The following TCTN2 variants were observed in gnomAD, a reference collection of about 807,000 sequenced individuals.
TCTN2 encodes the protein tectonic-2.
TCTN2 carries 66 observed loss-of-function variants against 83.4 expected under a neutral mutation model. That is an observed-to-expected ratio of 0.79 (90% CI 0.65 to 0.97). TCTN2 has a LOEUF of 0.97. Ranked by LOEUF, TCTN2 falls within the 50% of genes least tolerant of loss-of-function variation. The pLI is 0.00. For missense variants in TCTN2, 794 were observed against 858.1 expected, an observed-to-expected ratio of 0.93 and a Z score of 0.93; for synonymous variants, 301 against 326.7, an observed-to-expected ratio of 0.92 and a Z score of 0.85.
Position 123,707,647 on chromosome 12 carries a change from G to C in TCTN2, c.2028G>C (p.Leu676=). The C allele has an allele frequency of 1.2e-6, 2 of 1,614,186 alleles. No individual in the cohort carries two copies. The highest frequency in any genetic ancestry group is 1.7e-6 in the Non-Finnish European group (2 of 1,180,038). Reference sequence around the variant, plus strand: ...GTGTTGCTAAGGGCTTACTGTTGCTGTTGTTCCTCACATTGGCCTTGTTCC... The same window carrying C: ...GTGTTGCTAAGGGCTTACTGTTGCTCTTGTTCCTCACATTGGCCTTGTTCC... ...SQCVAKGLLL[L]LFLTLALFLS... The change falls in exon 18 of 18, where the codon CTG becomes CTC. Residue 676 remains leucine (L), a synonymous_variant. Coordinates refer to ENST00000303372, the MANE Select transcript of TCTN2 (RefSeq NM_024809.5).
chr12:123,673,458 T>TG (rs1329549258), intron 3 of TCTN2, among the ~76,000 whole-genome samples, 157 bp from the exon 4 acceptor site: 9 of 152,306 alleles, frequency 5.9e-5, no homozygotes, highest in South Asian at 4.1e-4. Context: ...CATAGGTTTA[T>TG]GGGGGGGAAC....
intron 7 of TCTN2, among the ~76,000 whole-genome samples, chr12:123,689,201 A>T (rs1956012896): frequency 6.6e-6 from 1 of 151,926 alleles, no homozygotes; most frequent in Non-Finnish European, 1.5e-5. Context: ...AGCTGAGACT[A>T]CAGGCACATG....
intron 7 of TCTN2, among the ~76,000 whole-genome samples, chr12:123,689,692 A>G (rs781745401): frequency 5.3e-5 from 8 of 152,166 alleles, no homozygotes; most frequent in African/African-American, 1.2e-4. Context: ...GGTCCGGTAT[A>G]AAAAACAATG....
rs755031706 is a variant in TCTN2, at chr12:123,694,986, A to G, written c.1234+10A>G. On this transcript the variant is annotated intron_variant, in intron 10 of 17. Transcript: ENST00000303372. ...AATGCCCACCAGAAAGGTAACTTTG[A>G]TGAGGGTAGCAAGCATGCTTTCACT... The G allele has an allele frequency of 6.2e-7, 1 of 1,613,106 alleles. No individual in the cohort carries two copies. Among genetic ancestry groups the G allele is most frequent in the Non-Finnish European group, 8.5e-7 (1 of 1,179,486 alleles).
intron 5 of TCTN2, among the ~76,000 whole-genome samples, chr12:123,683,483 G>A (rs1955924958): frequency 6.6e-6 from 1 of 151,610 alleles, no homozygotes; most frequent in African/African-American, 2.4e-5. Context: ...GTTTTGCCGT[G>A]TTGGCCAGGC....
intron 5 of TCTN2, among the ~76,000 whole-genome samples, chr12:123,680,489 A>T (rs1458690905): frequency 6.7e-6 from 1 of 149,030 alleles, no homozygotes; most frequent in African/African-American, 2.5e-5. Context: ...GCAATACAAC[A>T]TATAAACTCT....
At chr12:123,694,212 C>T (rs1158490122) in intron 9 of TCTN2, among the ~76,000 whole-genome samples, 1 of 152,088 alleles carries the variant, frequency 6.6e-6, no homozygotes, top group Non-Finnish European at 1.5e-5. Context: ...CCAGGCTGGT[C>T]TTGAACTCCT....
chr12:123,673,252 C>T (rs1566242736), intron 3 of TCTN2, among the ~76,000 whole-genome samples: 1 of 152,162 alleles, frequency 6.6e-6, no homozygotes, highest in Non-Finnish European at 1.5e-5. Flanking sequence ...TGTCTAAAGT[C>T]ATTCTGGGAT....
chr12:123,702,945 G>A (rs1287973870), intron 14 of TCTN2, among the ~76,000 whole-genome samples: 1 of 152,084 alleles, frequency 6.6e-6, no homozygotes, highest in African/African-American at 2.4e-5. Flanking sequence ...ACTGACCTTC[G>A]GAATCCCTGA....
intron 3 of TCTN2, 119 bp downstream of exon 3, chr12:123,672,251 T>C (rs1171111233): frequency 7.4e-6 from 7 of 950,938 alleles, no homozygotes; most frequent in South Asian, 4.0e-5. Flanking sequence ...AATCATGAAA[T>C]TGTGGGCTGT....
chr12:123,694,196 T>A (rs1289309726), intron 9 of TCTN2, among the ~76,000 whole-genome samples: 1 of 152,100 alleles, frequency 6.6e-6, no homozygotes, highest in East Asian at 1.9e-4. Flanking sequence ...GGTTTCACTG[T>A]GTTGGCCAGG....
chr12:123,673,217 T>G (rs544176463), intron 3 of TCTN2, among the ~76,000 whole-genome samples: 1 of 152,340 alleles, frequency 6.6e-6, no homozygotes, highest in African/African-American at 2.4e-5. Context: ...AAGCTCTGCT[T>G]GTACCCCAGG....
intron 5 of TCTN2, among the ~76,000 whole-genome samples, chr12:123,682,009 C>T (rs1271383142): frequency 2.0e-5 from 3 of 152,060 alleles, no homozygotes; most frequent in Non-Finnish European, 4.4e-5. Context: ...CTTGCTCTGT[C>T]GCCCAGGATA....
At chr12:123,693,018 C>CTTT (rs539689505) in intron 9 of TCTN2, among the ~76,000 whole-genome samples, 337 of 53,638 alleles carry the variant, frequency 6.3e-3, no homozygotes, top group Middle Eastern at 0.014. Flanking sequence ...TTAAATAATT[C>CTTT]TTTTTTTTTT....
At chr12:123,684,463 C>T (rs60422010) in intron 5 of TCTN2, among the ~76,000 whole-genome samples, 8,071 of 147,378 alleles carry the variant, frequency 0.055, 432 homozygotes, top group African/African-American at 0.14. Flanking sequence ...TACAGTGGTG[C>T]GATCTCGGCC....
chr12:123,672,133 G>A lies in TCTN2; in HGVS notation c.267+1G>A, dbSNP rs141752910. On this transcript the variant is annotated splice_donor_variant, in intron 3 of 17. Coordinates refer to ENST00000303372, the MANE Select transcript of TCTN2 (RefSeq NM_024809.5). LOFTEE classifies it high-confidence loss of function. Reference sequence around the variant, plus strand: ...GAGCGTGACTGTGATCCCCGGTGCGGTAAGGCCAGAAGTAAACCTTCTCTG... The same window carrying A: ...GAGCGTGACTGTGATCCCCGGTGCGATAAGGCCAGAAGTAAACCTTCTCTG... 5.9e-5 allele frequency: 95 copies of A among 1,613,926 alleles called. No individual in the cohort carries two copies. The highest frequency in any genetic ancestry group is 7.7e-5 in the Non-Finnish European group (91 of 1,179,886).
At chr12:123,677,218 G>A (rs140816787) in intron 4 of TCTN2, among the ~76,000 whole-genome samples, 48 of 152,240 alleles carry the variant, frequency 3.2e-4, no homozygotes, top group African/African-American at 1.1e-3. Flanking sequence ...TGTGTCACAT[G>A]GGTTTGATAA....
intron 5 of TCTN2, among the ~76,000 whole-genome samples, chr12:123,679,826 G>A (rs1389752291): frequency 2.3e-5 from 3 of 131,998 alleles, no homozygotes; most frequent in Non-Finnish European, 3.1e-5. Flanking sequence ...TGCAAGCTCC[G>A]CCTCCCGGGT....
intron 7 of TCTN2, 121 bp downstream of exon 7, chr12:123,688,298 C>T (rs1245509269): frequency 3.1e-6 from 4 of 1,292,616 alleles, no homozygotes; most frequent in Non-Finnish European, 3.2e-6. Flanking sequence ...TCACTGCAAC[C>T]TCTGCCTCCC....
Sources: allele counts gnomAD v4.1 joint callset (sites outside exome capture counted in the v4.1 genomes callset), GRCh38; gene constraint gnomAD v4.1.1; transcripts MANE v1.5; gene names NCBI Gene and HGNC (gene_info 2026-07-23, HGNC 2026-07-21).